Variants in GLDC observed in about 807,000 individuals in gnomAD.
GLDC encodes the protein glycine decarboxylase.
A neutral mutation model predicts 121.3 loss-of-function variants in GLDC; 104 were observed. The observed-to-expected ratio is 0.86, with a 90% CI of 0.73 to 1.01. GLDC has a LOEUF of 1.01. Ranked by LOEUF, GLDC falls within the 50% of genes least tolerant of loss-of-function variation. The probability of loss-of-function intolerance (pLI) is 0.00; values close to 1 mark genes in which losing one functional copy is unlikely to be tolerated. For synonymous variants in GLDC, 546 were observed against 480.6 expected (o/e 1.14, Z -1.78); for missense variants, 1,429 against 1,306.6 (o/e 1.09, Z -1.44).
chr9:6,604,300 T>C (rs1818685976), intron 7 of GLDC, among the ~76,000 whole-genome samples: 1 of 152,166 alleles, frequency 6.6e-6, no homozygotes, highest in Non-Finnish European at 1.5e-5. Flanking sequence ...AAAACATGCC[T>C]AAAATATTTA....
In GLDC at chr9:6,532,671, A is replaced by G. The variant is rs1345802589; in HGVS notation, c.*346T>C. ...CACAGTCCACATGGACTCTTTTGGA[A>G]CAAAAAAATGTCTATTAAGTCTCCA... On this transcript the variant is annotated 3_prime_UTR_variant, in exon 25 of 25. Coordinates refer to ENST00000321612, the MANE Select transcript of GLDC (RefSeq NM_000170.3). 3.2e-6 allele frequency: 1 copy of G among 312,748 alleles called. No homozygotes were observed. The highest frequency in any genetic ancestry group is 4.3e-5 in the Admixed American group (1 of 23,378). The allele number at this position is 312,748 out of a possible 1,614,324, so 19.4% of individuals were successfully genotyped here. A position where few individuals can be genotyped will look rare whatever the true frequency, so the allele number is the denominator to read the frequency against.
intron 15 of GLDC, among the ~76,000 whole-genome samples, chr9:6,574,935 T>C (rs1236114128): frequency 6.6e-6 from 1 of 152,154 alleles, no homozygotes; most frequent in Non-Finnish European, 1.5e-5. Context: ...ATGCATATGA[T>C]AGCCACATCC....
At position 6,574,878 on chromosome 9, in the gene GLDC, G is replaced by T. The variant is rs564065480; in HGVS notation, c.1851-9449C>A. ...GCTCAGGAAGGGAGGGGAGGGAGAC[G>T]GCAAATAGTGGGCTTTTGACCCTCC... On this transcript the variant is annotated intron_variant, in intron 15 of 24. Coordinates refer to ENST00000321612, the MANE Select transcript of GLDC (RefSeq NM_000170.3). 5.3e-5 allele frequency among the ~76,000 whole-genome samples: 8 copies of T among 152,140 alleles called. No individual in the cohort carries two copies. The East Asian group carries it at 1.5e-3, about 29-fold the overall frequency.
intron 3 of GLDC, among the ~76,000 whole-genome samples, chr9:6,614,153 T>A (rs549585360): frequency 2.1e-4 from 32 of 152,314 alleles, no homozygotes; most frequent in African/African-American, 7.0e-4. Context: ...CATATCTGTC[T>A]GCATTCTCTT....
intron 18 of GLDC, 79 bp from the exon 19 acceptor site, chr9:6,554,860 T>A: frequency 1.0e-6 from 1 of 998,632 alleles, no homozygotes; most frequent in East Asian, 2.6e-5. Flanking sequence ...GGCTGGCCGG[T>A]GCTGCCTTCT....
intron 2 of GLDC, among the ~76,000 whole-genome samples, chr9:6,621,226 A>C (rs1276997221): frequency 6.6e-6 from 1 of 152,172 alleles, no homozygotes; most frequent in Non-Finnish European, 1.5e-5. Context: ...CAGCATTCTC[A>C]TGAAGGCACT....
At chr9:6,543,890 G>A (rs528327008) in intron 21 of GLDC, among the ~76,000 whole-genome samples, 4 of 150,450 alleles carry the variant, frequency 2.7e-5, no homozygotes, top group African/African-American at 9.9e-5. Flanking sequence ...AAGGAGGACA[G>A]GAGGGGGGGG....
At chr9:6,573,859 T>C (rs1458129718) in intron 15 of GLDC, among the ~76,000 whole-genome samples, 1 of 152,182 alleles carries the variant, frequency 6.6e-6, no homozygotes, top group Non-Finnish European at 1.5e-5. Flanking sequence ...GATTCCTATC[T>C]ACCAGGTGGA....
rs1818291131 is a variant in GLDC at position 6,587,293 on chromosome 9, A to G, written c.1708-10T>C. 3 of 1,606,136 alleles carry G rather than the reference A, an allele frequency of 1.9e-6. No individual in the cohort carries two copies. The highest frequency in any genetic ancestry group is 2.7e-5 in the African/African-American group (2 of 74,760). On this transcript the variant is annotated splice_polypyrimidine_tract_variant and intron_variant, in intron 14 of 24. Transcript: ENST00000321612. ...CTTTCCATGTGATAGGCTGAAAAGA[A>G]AGAAAACAAAAATGCATATATACAT...
rs1286974683 is a variant in GLDC, at chr9:6,532,683, C to G, written c.*334G>C. ...GGACTCTTTTGGAACAAAAAAATGT[C>G]TATTAAGTCTCCAGGATAGCCTCTA... On this transcript the variant is annotated 3_prime_UTR_variant, in exon 25 of 25. Transcript: ENST00000321612. 2 of 327,184 alleles carry G rather than the reference C, an allele frequency of 6.1e-6. No homozygotes were observed. Among genetic ancestry groups the G allele is most frequent in the African/African-American group, 2.1e-5 (1 of 47,110 alleles). 20.3% of individuals were successfully genotyped at this position (327,184 alleles called of 1,614,324 possible).
chr9:6,644,050 A>AAAAAAAAAAAAAAAAAAAAAC (rs55988287), intron 2 of GLDC, among the ~76,000 whole-genome samples: 6 of 92,702 alleles, frequency 6.5e-5, no homozygotes, highest in Admixed American at 1.4e-4. Context: ...AAAAAAAAAA[A>AAAAAAAAAAAAAAAAAAAAAC]CGAAAAAAAA....
chr9:6,594,960 T>C, intron 9 of GLDC, 54 bp downstream of exon 9: 1 of 1,087,238 alleles, frequency 9.2e-7, no homozygotes, highest in South Asian at 1.2e-5. Flanking sequence ...TCAATTTTAC[T>C]CAAATTTATC....
Position 6,645,390 on chromosome 9 carries a change from C to T in GLDC, c.110G>A (p.Ser37Asn), listed in dbSNP as rs763471932. The T allele has an allele frequency of 4.0e-5, 61 of 1,517,388 alleles. No homozygotes were observed. The African/African-American group carries it at 5.8e-4, about 15-fold the overall frequency. The allele number at this position is 1,517,388 out of a possible 1,614,324, so 94.0% of individuals were successfully genotyped here. A position where few individuals can be genotyped will look rare whatever the true frequency, so the allele number is the denominator to read the frequency against. ...GGCGCTGTCCCCGCCGCCACTGCTGCTGTCCCGGCTCCGCGGCGCCCAGCA... is the reference window on the plus strand; with the variant it reads ...GGCGCTGTCCCCGCCGCCACTGCTGTTGTCCCGGCTCCGCGGCGCCCAGCA... ...GPCWAPRSRD[S>N]SSGGGDSAAA... Residue 37 changes from serine (S) to asparagine (N), a missense_variant, in exon 1 of 25, where the codon AGC becomes AAC. Ser to Asn is a conservative substitution (Grantham distance 46). Transcript: ENST00000321612.
chr9:6,594,252 C>G (rs1000169775), intron 9 of GLDC, among the ~76,000 whole-genome samples: 7 of 152,056 alleles, frequency 4.6e-5, no homozygotes, highest in African/African-American at 1.7e-4. Flanking sequence ...TATTTGTATA[C>G]TTATTTCTTT....
At chr9:6,567,552 A>G (rs1817877362) in intron 15 of GLDC, 1 of 152,228 alleles carries the variant, frequency 6.6e-6, no homozygotes, top group African/African-American at 2.4e-5. Context: ...CCTTCCCTAA[A>G]GCCACCAATC....
rs779753406 is a variant in GLDC, at chr9:6,602,018, G to A, written c.1155+91C>T. On this transcript the variant is annotated intron_variant, in intron 8 of 24. Transcript: ENST00000321612. ...CTGGTGTGCTCACTGCTCAGGAGGT[G>A]GTGAATAAATGAACAAATGAATGAA... The A allele has an allele frequency of 3.5e-4, 291 of 832,950 alleles. 1 individual carries two copies. The highest frequency in any genetic ancestry group is 2.2e-3 in the Middle Eastern group (10 of 4,554). The allele number at this position is 832,950 out of a possible 1,614,324, so 51.6% of individuals were successfully genotyped here.
intron 2 of GLDC, among the ~76,000 whole-genome samples, chr9:6,641,124 G>T (rs1819621814): frequency 6.6e-6 from 1 of 152,198 alleles, no homozygotes; most frequent in South Asian, 2.1e-4. Context: ...TCCAAGAAGA[G>T]GGGGAGCATC....
chr9:6,614,553 C>G (rs547546306), intron 3 of GLDC, among the ~76,000 whole-genome samples: 1 of 139,330 alleles, frequency 7.2e-6, no homozygotes, highest in East Asian at 2.1e-4. Flanking sequence ...GGGTTTCAAT[C>G]TTTTTTTTTT....
At chr9:6,604,926 G>C (rs1818699230) in intron 6 of GLDC, 142 bp from the exon 7 acceptor site, 4 of 878,592 alleles carry the variant, frequency 4.6e-6, no homozygotes, top group South Asian at 1.4e-5. Flanking sequence ...CATTCATTCA[G>C]TAAATACATA....
Sources: allele counts gnomAD v4.1 joint callset (sites outside exome capture counted in the v4.1 genomes callset), GRCh38; gene constraint gnomAD v4.1.1; transcripts MANE v1.5; gene names NCBI Gene and HGNC (gene_info 2026-07-23, HGNC 2026-07-21).